The following PSD3 variants were observed in gnomAD, a reference collection of about 807,000 sequenced individuals.
The protein encoded by PSD3 is pleckstrin and Sec7 domain containing 3.
PSD3 carries 49 observed loss-of-function variants against 105.5 expected under a neutral mutation model. The observed-to-expected ratio is 0.46, with a 90% CI of 0.37 to 0.59. The LOEUF (loss-of-function observed/expected upper bound fraction) is 0.59. PSD3 is among the 20% of genes least tolerant of loss of function. The probability of loss-of-function intolerance (pLI) is 0.00; values close to 1 mark genes in which losing one functional copy is unlikely to be tolerated. For synonymous variants in PSD3, 557 were observed against 457.8 expected (o/e 1.22, Z -2.77); for missense variants, 1,561 against 1,263.8 (o/e 1.24, Z -3.57).
At chr8:19,047,139 A>G (rs2129476952) in intron 1 of PSD3, among the ~76,000 whole-genome samples, 1 of 152,306 alleles carries the variant, frequency 6.6e-6, no homozygotes, top group Non-Finnish European at 1.5e-5. Context: ...AGCAGAAACT[A>G]AACTAGGTGC....
At chr8:18,633,878 C>T (rs1807071153) in intron 10 of PSD3, among the ~76,000 whole-genome samples, 1 of 152,080 alleles carries the variant, frequency 6.6e-6, no homozygotes, top group Non-Finnish European at 1.5e-5. Context: ...TACATTCCCA[C>T]CAATGATGTA....
intron 11 of PSD3, among the ~76,000 whole-genome samples, chr8:18,621,472 C>T (rs974940351): frequency 1.3e-5 from 2 of 152,044 alleles, no homozygotes; most frequent in Admixed American, 6.6e-5. Flanking sequence ...GACTTTATTG[C>T]CAGAAAGCAT....
intron 2 of PSD3, among the ~76,000 whole-genome samples, chr8:18,890,287 G>A (rs1468644801): frequency 6.6e-6 from 1 of 151,732 alleles, no homozygotes; most frequent in African/African-American, 2.4e-5. Context: ...CTGGTTCTTA[G>A]ATCTTGAAAA....
At chr8:19,016,449 G>T (rs1827182214), upstream of PSD3, among the ~76,000 whole-genome samples, 1 of 152,136 alleles carries the variant, frequency 6.6e-6, no homozygotes, top group Admixed American at 6.5e-5. Context: ...TCACTGAAAA[G>T]CCCAGATTAT....
At chr8:18,960,321 C>A (rs1478013836) in intron 1 of PSD3, among the ~76,000 whole-genome samples, 2 of 152,158 alleles carry the variant, frequency 1.3e-5, no homozygotes, top group African/African-American at 4.8e-5. Flanking sequence ...AAAGAAGTGT[C>A]TTCTGAAGAT....
chr8:18,768,221 G>T (rs138902840), intron 8 of PSD3, among the ~76,000 whole-genome samples: 3,408 of 152,036 alleles, frequency 0.022, 99 homozygotes, highest in African/African-American at 0.069. Flanking sequence ...GGGAGGTGGA[G>T]GTTACAGTAA....
chr8:18,768,442 T>A (rs1269623467), intron 8 of PSD3, among the ~76,000 whole-genome samples: 2 of 151,408 alleles, frequency 1.3e-5, no homozygotes, highest in East Asian at 3.9e-4. Flanking sequence ...AGAAACAATA[T>A]GAAAATTAGC....
intron 1 of PSD3, among the ~76,000 whole-genome samples, chr8:19,079,032 C>T (rs1829556246): frequency 6.6e-6 from 1 of 151,940 alleles, no homozygotes; most frequent in African/African-American, 2.4e-5. Flanking sequence ...CACTCTTGGC[C>T]CTCTGCTTCC....
chr8:18,546,123 GTAGA>G (rs760020311), intron 15 of PSD3, among the ~76,000 whole-genome samples: 4 of 152,096 alleles, frequency 2.6e-5, no homozygotes, highest in African/African-American at 4.8e-5. Flanking sequence ...GCCTCAGCAA[GTAGA>G]TGGGATTACA....
In PSD3 at chr8:18,669,471, T is replaced by C. The variant is rs114912884; in HGVS notation, c.2173-13786A>G. ...CTACTCTTGCACTTTGCAGCTATTA[T>C]TAAGTAAAATAAGGGTGACTTGAAG... On this transcript the variant is annotated intron_variant, in intron 9 of 15. Coordinates refer to ENST00000327040, the MANE Select transcript of PSD3 (RefSeq NM_015310.4). 3.4e-3 allele frequency among the ~76,000 whole-genome samples: 522 copies of C among 152,340 alleles called. 3 individuals carry two copies. Among genetic ancestry groups the C allele is most frequent in the African/African-American group, 0.011 (464 of 41,572 alleles).
chr8:19,069,692 C>G (rs1164299312), intron 1 of PSD3, among the ~76,000 whole-genome samples: 1 of 152,154 alleles, frequency 6.6e-6, no homozygotes, highest in East Asian at 1.9e-4. Flanking sequence ...TTCACTACAA[C>G]TAAAGAGTAC....
At chr8:18,781,359 T>C (rs779197226) in intron 8 of PSD3, among the ~76,000 whole-genome samples, 2 of 152,120 alleles carry the variant, frequency 1.3e-5, no homozygotes, top group Admixed American at 6.5e-5. Flanking sequence ...GTCTTGGGAG[T>C]AAAGGCACAG....
At chr8:19,010,983 A>G (rs574543121) in intron 1 of PSD3, among the ~76,000 whole-genome samples, 5 of 151,400 alleles carry the variant, frequency 3.3e-5, no homozygotes, top group Admixed American at 6.6e-5. Flanking sequence ...CCAGCCTCCT[A>G]TAAGCCTGAT....
intron 1 of PSD3, among the ~76,000 whole-genome samples, chr8:18,985,554 C>G (rs1344559165): frequency 1.3e-5 from 2 of 152,146 alleles, no homozygotes; most frequent in Non-Finnish European, 2.9e-5. Flanking sequence ...TTGCTTAAGT[C>G]TGAGATACTT....
At chr8:19,040,870 G>A (rs920312799) in intron 1 of PSD3, among the ~76,000 whole-genome samples, 4 of 152,100 alleles carry the variant, frequency 2.6e-5, no homozygotes, top group Non-Finnish European at 4.4e-5. Flanking sequence ...TACACACTGC[G>A]AAGCTTGATC....
At chr8:18,856,885 C>T (rs1396648859) in intron 4 of PSD3, among the ~76,000 whole-genome samples, 1 of 152,304 alleles carries the variant, frequency 6.6e-6, no homozygotes, top group East Asian at 1.9e-4. Context: ...TTATTGAGTA[C>T]TCATTAAGTG....
chr8:18,977,312 T>C (rs1824998213), intron 1 of PSD3, among the ~76,000 whole-genome samples: 1 of 151,226 alleles, frequency 6.6e-6, no homozygotes, highest in African/African-American at 2.4e-5. Context: ...TCTGAGCTCA[T>C]TTCCTACTAG....
intron 9 of PSD3, among the ~76,000 whole-genome samples, chr8:18,752,006 C>A (rs1805532038): frequency 7.1e-6 from 1 of 140,620 alleles, no homozygotes; most frequent in East Asian, 2.2e-4. Flanking sequence ...AAAACCCTGT[C>A]TCTACTAAAA....
chr8:18,671,911 G>A (rs143928634), intron 9 of PSD3, among the ~76,000 whole-genome samples: 1,535 of 152,250 alleles, frequency 0.01, 20 homozygotes, highest in African/African-American at 0.036. Flanking sequence ...AATTACAGGC[G>A]TGAGCCACTG....
Sources: allele counts gnomAD v4.1 joint callset (sites outside exome capture counted in the v4.1 genomes callset), GRCh38; gene constraint gnomAD v4.1.1; transcripts MANE v1.5; gene names NCBI Gene and HGNC (gene_info 2026-07-23, HGNC 2026-07-21).